Variants in LRP1B observed in about 807,000 individuals in gnomAD.
The protein encoded by LRP1B is LDL receptor related protein 1B, also known as low-density lipoprotein receptor-related protein 1B.
Under a neutral mutation model 556.6 loss-of-function variants are expected in LRP1B, and 217 were observed. The ratio of observed to expected loss-of-function variants is 0.39; its 90% confidence interval spans 0.35 to 0.44. LRP1B has a LOEUF of 0.44. Among genes scored for constraint, LRP1B ranks in the 20% least tolerant of loss-of-function variants. LRP1B has a pLI of 1.00. For missense variants in LRP1B, 5,053 were observed against 5,620.8 expected, an observed-to-expected ratio of 0.90 and a Z score of 3.23; for synonymous variants, 2,047 against 1,865.8, an observed-to-expected ratio of 1.10 and a Z score of -2.50.
intron 25 of LRP1B, among the ~76,000 whole-genome samples, chr2:140,871,855 G>A (rs545710996): frequency 3.3e-5 from 5 of 151,972 alleles, no homozygotes; most frequent in African/African-American, 1.2e-4. Context: ...TTGATACTTG[G>A]TACTTCTGAA....
At chr2:140,242,005 C>A (rs1405078769) in intron 87 of LRP1B, among the ~76,000 whole-genome samples, 5 of 150,458 alleles carry the variant, frequency 3.3e-5, no homozygotes, top group African/African-American at 1.2e-4. Flanking sequence ...GGTTCTGAAA[C>A]CTCATCATGC....
chr2:141,776,182 G>C (rs1695064590), intron 2 of LRP1B, among the ~76,000 whole-genome samples: 1 of 151,822 alleles, frequency 6.6e-6, no homozygotes, highest in African/African-American at 2.4e-5. Context: ...GCTATCTAAG[G>C]CTTGCCGTCT....
intron 2 of LRP1B, among the ~76,000 whole-genome samples, chr2:141,737,064 G>C (rs996441498): frequency 3.3e-5 from 5 of 152,082 alleles, no homozygotes; most frequent in African/African-American, 1.2e-4. Flanking sequence ...TTCTAAATGT[G>C]GAAGTCGGGC....
chr2:140,547,224 G>A (rs1282251536), intron 43 of LRP1B, among the ~76,000 whole-genome samples: 5 of 152,106 alleles, frequency 3.3e-5, no homozygotes, highest in Non-Finnish European at 5.9e-5. Flanking sequence ...ATTTCAGCAG[G>A]AATGGTACCA....
chr2:140,422,946 G>T (rs1342244369), intron 66 of LRP1B, among the ~76,000 whole-genome samples: 1 of 152,178 alleles, frequency 6.6e-6, no homozygotes, highest in Admixed American at 6.6e-5. Flanking sequence ...CAGCAAGATG[G>T]TTAGTGATCA....
At chr2:141,717,416 A>G (rs1692645878) in intron 2 of LRP1B, among the ~76,000 whole-genome samples, 1 of 152,166 alleles carries the variant, frequency 6.6e-6, no homozygotes, top group African/African-American at 2.4e-5. Flanking sequence ...TGCTAAATTG[A>G]CTGATTCAGT....
At chr2:141,946,255 A>T (rs942295109) in intron 1 of LRP1B, among the ~76,000 whole-genome samples, 4 of 152,100 alleles carry the variant, frequency 2.6e-5, no homozygotes, top group African/African-American at 9.7e-5. Flanking sequence ...CCACTATAGC[A>T]GCTCTTTTGC....
intron 7 of LRP1B, among the ~76,000 whole-genome samples, chr2:141,114,730 C>T (rs1237772610): frequency 1.3e-5 from 2 of 152,090 alleles, no homozygotes; most frequent in African/African-American, 2.4e-5. Flanking sequence ...GAAGGTGGGG[C>T]CTTTCCTGGG....
chr2:140,872,012 TTG>T (rs545191922), intron 25 of LRP1B, among the ~76,000 whole-genome samples: 7 of 150,446 alleles, frequency 4.7e-5, no homozygotes, highest in African/African-American at 7.3e-5. Flanking sequence ...GTGTGTCTAT[TTG>T]TGTGTGTGTG....
intron 43 of LRP1B, among the ~76,000 whole-genome samples, chr2:140,596,520 A>G (rs1020440822): frequency 6.6e-6 from 1 of 152,226 alleles, no homozygotes; most frequent in African/African-American, 2.4e-5. Flanking sequence ...TTTACTAGGC[A>G]TAGTTTCATA....
intron 1 of LRP1B, among the ~76,000 whole-genome samples, chr2:141,965,674 C>A (rs1292126624): frequency 2.2e-5 from 3 of 136,194 alleles, no homozygotes; most frequent in African/African-American, 8.2e-5. Context: ...TGCAGCGCAC[C>A]AGCATGGCAC....
intron 35 of LRP1B, among the ~76,000 whole-genome samples, chr2:140,750,457 G>A (rs1688536822): frequency 6.6e-6 from 1 of 152,018 alleles, no homozygotes; most frequent in African/African-American, 2.4e-5. Context: ...ATCCACAGAG[G>A]ACATTTATAT....
At chr2:141,849,214 GT>G (rs1697758040) in intron 1 of LRP1B, among the ~76,000 whole-genome samples, 2 of 151,498 alleles carry the variant, frequency 1.3e-5, no homozygotes, top group Non-Finnish European at 1.5e-5. Flanking sequence ...AATTCCAAAA[GT>G]TTTTAAGCAG....
At position 141,879,003 on chromosome 2, in the gene LRP1B, C is replaced by T. The variant is rs561456191; in HGVS notation, c.83-68602G>A. Among the ~76,000 whole-genome samples the T allele has an allele frequency of 9.8e-4, 148 of 151,518 alleles. 2 individuals carry two copies. The highest frequency in any genetic ancestry group is 2.4e-3 in the African/African-American group (101 of 41,324). On this transcript the variant is annotated intron_variant, in intron 1 of 90. Transcript: ENST00000389484. Reference sequence around the variant, plus strand: ...AGAGGGGAATATTTACATAAATATACGTAACTAAGATATTTGTTTCTGAAT... The same window carrying T: ...AGAGGGGAATATTTACATAAATATATGTAACTAAGATATTTGTTTCTGAAT...
intron 1 of LRP1B, among the ~76,000 whole-genome samples, chr2:142,079,361 G>A (rs1455986651): frequency 6.7e-6 from 1 of 149,202 alleles, no homozygotes; most frequent in Admixed American, 6.8e-5. Flanking sequence ...ATATATGTTG[G>A]AAACATAATT....
chr2:141,448,010 T>A (rs957629566), intron 3 of LRP1B, among the ~76,000 whole-genome samples: 1 of 152,184 alleles, frequency 6.6e-6, no homozygotes, highest in African/African-American at 2.4e-5. Flanking sequence ...TGAAGCTGCA[T>A]CCACAGCTGC....
intron 18 of LRP1B, among the ~76,000 whole-genome samples, chr2:140,964,281 G>A (rs1378739806): frequency 6.6e-6 from 1 of 152,162 alleles, no homozygotes; most frequent in Non-Finnish European, 1.5e-5. Context: ...TGGACTAGGA[G>A]CGTGACCACT....
chr2:142,015,991 C>CAAAAAAAAAAAAAAAAAAAA lies in LRP1B; in HGVS notation c.82+114637_82+114656dup, dbSNP rs70994471. ...TGGGCAACAGCGCGAGACTCCATCT[C>CAAAAAAAAAAAAAAAAAAAA]AAAAAAAAAAAAAAAAAAAAAGTGG... On this transcript the variant is annotated intron_variant, in intron 1 of 90. Transcript: ENST00000389484. Among the ~76,000 whole-genome samples the CAAAAAAAAAAAAAAAAAAAA allele has an allele frequency of 3.9e-4, 15 of 38,794 alleles. 3 individuals are homozygous for CAAAAAAAAAAAAAAAAAAAA. In the East Asian group the frequency reaches 5.8e-3, roughly 15 times the overall value. The allele number at this position is 38,794 out of a possible 152,430, so 25.5% of individuals were successfully genotyped here.
chr2:141,566,620 A>C (rs559320430), intron 2 of LRP1B, among the ~76,000 whole-genome samples: 1 of 152,098 alleles, frequency 6.6e-6, no homozygotes, highest in Admixed American at 6.5e-5. Flanking sequence ...AAAATCTCCA[A>C]CCTCTCTTTG....
Sources: allele counts gnomAD v4.1 joint callset (sites outside exome capture counted in the v4.1 genomes callset), GRCh38; gene constraint gnomAD v4.1.1; transcripts MANE v1.5; gene names NCBI Gene and HGNC (gene_info 2026-07-23, HGNC 2026-07-21).